Variants in PAM observed in about 807,000 individuals in gnomAD.
PAM encodes the protein peptidyl-glycine alpha-amidating monooxygenase.
Under a neutral mutation model 122.1 loss-of-function variants are expected in PAM, and 72 were observed. The ratio of observed to expected loss-of-function variants is 0.59; its 90% CI spans 0.49 to 0.72. The LOEUF is 0.72. Among genes scored for constraint, PAM ranks in the 30% least tolerant of loss-of-function variants. The probability of loss-of-function intolerance (pLI) is 0.00; values close to 1 mark genes in which losing one functional copy is unlikely to be tolerated. For missense variants in PAM, 1,106 were observed against 1,183.7 expected (o/e 0.93, Z 0.96); for synonymous variants, 389 against 404.4 (o/e 0.96, Z 0.46).
chr5:102,863,010 A>T (rs1392220288), intron 1 of PAM, among the ~76,000 whole-genome samples: 1 of 151,180 alleles, frequency 6.6e-6, no homozygotes, highest in Non-Finnish European at 1.5e-5. Context: ...TTAAAAAAAA[A>T]TGAAAATTAG....
chr5:102,850,808 C>T (rs1781175009), intron 1 of PAM, among the ~76,000 whole-genome samples: 1 of 152,058 alleles, frequency 6.6e-6, no homozygotes, highest in Admixed American at 6.6e-5. Context: ...ATACAACGCC[C>T]TGCAAAAAAC....
At chr5:102,814,180 G>A (rs116456730) in intron 1 of PAM, among the ~76,000 whole-genome samples, 156 of 152,258 alleles carry the variant, frequency 1.0e-3, no homozygotes, top group Middle Eastern at 3.4e-3. Flanking sequence ...AAGGGAATGA[G>A]CTCACTAACG....
chr5:102,957,541 T>C (rs1388431776), intron 12 of PAM, among the ~76,000 whole-genome samples: 1 of 152,128 alleles, frequency 6.6e-6, no homozygotes, highest in Non-Finnish European at 1.5e-5. Context: ...TTCTTTTCTT[T>C]TTTTTGAGAC....
At chr5:102,983,596 G>C (rs528273479) in intron 15 of PAM, among the ~76,000 whole-genome samples, 1 of 152,070 alleles carries the variant, frequency 6.6e-6, no homozygotes, top group South Asian at 2.1e-4. Flanking sequence ...TGTAGAGATG[G>C]GCAAAGGCAT....
intron 4 of PAM, among the ~76,000 whole-genome samples, chr5:102,911,308 T>G (rs1279903438): frequency 6.6e-6 from 1 of 151,936 alleles, no homozygotes; most frequent in Non-Finnish European, 1.5e-5. Flanking sequence ...GATCTGGAGT[T>G]TCTGGAGAAA....
At chr5:102,993,783 T>C (rs1774873209) in intron 16 of PAM, among the ~76,000 whole-genome samples, 1 of 152,148 alleles carries the variant, frequency 6.6e-6, no homozygotes, top group East Asian at 1.9e-4. Context: ...TCAATTCACA[T>C]TGTCATCCTA....
chr5:102,880,433 T>A (rs748345026), intron 3 of PAM, among the ~76,000 whole-genome samples: 1 of 152,122 alleles, frequency 6.6e-6, no homozygotes, highest in Non-Finnish European at 1.5e-5. Context: ...AGCAGGATAT[T>A]AACAAATTTT....
chr5:102,954,011 G>A (rs1342954156), intron 12 of PAM, among the ~76,000 whole-genome samples: 3 of 151,804 alleles, frequency 2.0e-5, no homozygotes, highest in Non-Finnish European at 2.9e-5. Context: ...AATAACAGGA[G>A]CAATGTTTCC....
At chr5:102,814,222 A>G (rs1030241563) in intron 1 of PAM, among the ~76,000 whole-genome samples, 1 of 152,204 alleles carries the variant, frequency 6.6e-6, no homozygotes, top group African/African-American at 2.4e-5. Flanking sequence ...ACCTTCCAAT[A>G]AGAAATTTAT....
chr5:102,827,458 C>G (rs2150382761), intron 1 of PAM, among the ~76,000 whole-genome samples: 1 of 152,112 alleles, frequency 6.6e-6, no homozygotes, highest in African/African-American at 2.4e-5. Context: ...ATACACCTTC[C>G]TGATACATTC....
intron 4 of PAM, among the ~76,000 whole-genome samples, chr5:102,904,595 T>G (rs1161195769): frequency 6.6e-6 from 1 of 151,542 alleles, no homozygotes; most frequent in Non-Finnish European, 1.5e-5. Flanking sequence ...CTGCTACATA[T>G]AAGTTATTGG....
At chr5:102,991,084 C>G (rs1291993822) in intron 16 of PAM, among the ~76,000 whole-genome samples, 1 of 152,076 alleles carries the variant, frequency 6.6e-6, no homozygotes, top group African/African-American at 2.4e-5. Context: ...TGAGTGTTTC[C>G]TCTGAGTTAC....
At chr5:102,860,567 T>G (rs1783893063) in intron 1 of PAM, among the ~76,000 whole-genome samples, 1 of 151,878 alleles carries the variant, frequency 6.6e-6, no homozygotes, top group Non-Finnish European at 1.5e-5. Context: ...ATACCTGTGG[T>G]CCCAGCTATT....
At chr5:102,996,447 C>T (rs764181426) in intron 16 of PAM, among the ~76,000 whole-genome samples, 1 of 152,106 alleles carries the variant, frequency 6.6e-6, no homozygotes, top group African/African-American at 2.4e-5. Context: ...AATCTGACAG[C>T]CATTTGTGAA....
chr5:102,859,328 C>T (rs1216114587), intron 1 of PAM, among the ~76,000 whole-genome samples: 1 of 141,424 alleles, frequency 7.1e-6, no homozygotes, highest in Non-Finnish European at 1.5e-5. Flanking sequence ...TTGTATAGGC[C>T]CAGGCTAGTG....
rs527850106 is a variant in PAM at position 102,979,061 on chromosome 5, C to T, written c.1483+4625C>T. On this transcript the variant is annotated intron_variant, in intron 15 of 25. Transcript: ENST00000438793. ...ACACACACACACACACACACACACA[C>T]GCACACACACATACACACAAACACC... Among the ~76,000 whole-genome samples, 899 of 149,290 alleles carry T rather than the reference C, an allele frequency of 6.0e-3. 7 individuals are homozygous for T. Among genetic ancestry groups the T allele is most frequent in the African/African-American group, 0.021 (857 of 40,398 alleles).
intron 16 of PAM, among the ~76,000 whole-genome samples, chr5:102,990,611 A>G (rs1773776262): frequency 1.3e-5 from 2 of 152,208 alleles, no homozygotes; most frequent in Non-Finnish European, 2.9e-5. Flanking sequence ...GTTTCATGAA[A>G]TAGTTTATGG....
intron 14 of PAM, among the ~76,000 whole-genome samples, chr5:102,973,610 C>T (rs1440394364): frequency 6.6e-6 from 1 of 152,060 alleles, no homozygotes; most frequent in Non-Finnish European, 1.5e-5. Context: ...ATTTAGGTTT[C>T]CCAGTTGTCA....
chr5:102,756,923 GGTAAC>G (rs1750570178), intron 1 of PAM, among the ~76,000 whole-genome samples: 2 of 152,170 alleles, frequency 1.3e-5, no homozygotes, highest in African/African-American at 4.8e-5. Flanking sequence ...GGCCTTCCAA[GGTAAC>G]TTAAAGACTA....
Sources: gnomAD v4.1 joint callset for allele counts (sites outside exome capture counted in the v4.1 genomes callset) on GRCh38, gnomAD v4.1.1 for gene constraint, MANE v1.5 for transcripts, NCBI Gene and HGNC (gene_info 2026-07-23, HGNC 2026-07-21) for gene names.